EPHA6: variants seen among roughly 807,000 people sequenced by gnomAD.
The protein encoded by EPHA6 is EPH receptor A6.
A neutral mutation model predicts 112.0 loss-of-function variants in EPHA6; 50 were observed. The observed-to-expected ratio is 0.45, with a 90% confidence interval of 0.36 to 0.56. The LOEUF (loss-of-function observed/expected upper bound fraction) is 0.56, where lower values mean the gene tolerates loss of function less well. Among genes scored for constraint, EPHA6 ranks in the 20% least tolerant of loss-of-function variants. EPHA6 has a pLI of 0.00. For missense variants in EPHA6, 1,280 were observed against 1,417.4 expected (o/e 0.90, Z 1.56); for synonymous variants, 529 against 490.7 (o/e 1.08, Z -1.03).
intron 5 of EPHA6, among the ~76,000 whole-genome samples, chr3:97,267,372 A>G (rs2079721789): frequency 6.6e-6 from 1 of 152,072 alleles, no homozygotes; most frequent in Non-Finnish European, 1.5e-5. Context: ...CCAATTTAAT[A>G]TCTGCTTTCA....
At chr3:97,565,515 G>A (rs907038860) in intron 11 of EPHA6, among the ~76,000 whole-genome samples, 2 of 151,888 alleles carry the variant, frequency 1.3e-5, no homozygotes, top group African/African-American at 4.8e-5. Flanking sequence ...ATAAAATATT[G>A]GAATTCACAA....
At chr3:97,077,843 G>C (rs920048667) in intron 3 of EPHA6, among the ~76,000 whole-genome samples, 1 of 152,122 alleles carries the variant, frequency 6.6e-6, no homozygotes. Flanking sequence ...CAATAGTGTT[G>C]TAATAAATAT....
In EPHA6 at chr3:97,624,591, T is replaced by G. The variant is rs561732749; in HGVS notation, c.2575-13282T>G. Among the ~76,000 whole-genome samples, 227 of 151,702 alleles carry G rather than the reference T, an allele frequency of 1.5e-3. 1 individual carries two copies. The highest frequency in any genetic ancestry group is 2.7e-3 in the Non-Finnish European group (185 of 67,658). ...ATGAATCAAAATGTCTCTCTCCTCTTCAATTTTTCAGGATGAAGTTTGAGG... is the reference window on the plus strand; with the variant it reads ...ATGAATCAAAATGTCTCTCTCCTCTGCAATTTTTCAGGATGAAGTTTGAGG... On this transcript the variant is annotated intron_variant, in intron 13 of 17. Coordinates refer to ENST00000389672, the MANE Select transcript of EPHA6 (RefSeq NM_001080448.3).
intron 12 of EPHA6, among the ~76,000 whole-genome samples, chr3:97,598,156 T>G (rs1281246486): frequency 6.6e-6 from 1 of 151,964 alleles, no homozygotes; most frequent in Non-Finnish European, 1.5e-5. Flanking sequence ...TATTTTTTAT[T>G]TATTTATTTT....
At chr3:97,402,297 T>C (rs1051669207) in intron 5 of EPHA6, among the ~76,000 whole-genome samples, 1 of 152,058 alleles carries the variant, frequency 6.6e-6, no homozygotes, top group Non-Finnish European at 1.5e-5. Flanking sequence ...TCTCTTTAGA[T>C]CTAATATTTG....
chr3:97,582,900 C>T (rs2093452292), intron 11 of EPHA6, among the ~76,000 whole-genome samples: 1 of 151,828 alleles, frequency 6.6e-6, no homozygotes, highest in Non-Finnish European at 1.5e-5. Flanking sequence ...AAACTAAATC[C>T]AGAACATTCT....
intron 3 of EPHA6, among the ~76,000 whole-genome samples, chr3:97,150,895 A>G (rs180973949): frequency 4.4e-4 from 67 of 152,076 alleles, no homozygotes; most frequent in Non-Finnish European, 4.0e-4. Context: ...ATGACTACCA[A>G]TTTTTTATTG....
At chr3:97,298,186 A>G (rs2080945379) in intron 5 of EPHA6, among the ~76,000 whole-genome samples, 1 of 152,362 alleles carries the variant, frequency 6.6e-6, no homozygotes, top group East Asian at 1.9e-4. Context: ...ATGTTGTACC[A>G]AAACATGATA....
At chr3:97,681,433 A>G (rs894423631) in intron 14 of EPHA6, among the ~76,000 whole-genome samples, 9 of 152,120 alleles carry the variant, frequency 5.9e-5, no homozygotes, top group African/African-American at 2.2e-4. Context: ...ATTATTTATG[A>G]TAGAGAAAAA....
At chr3:97,237,320 A>G (rs572361691) in intron 4 of EPHA6, among the ~76,000 whole-genome samples, 210 of 152,162 alleles carry the variant, frequency 1.4e-3, no homozygotes, top group Non-Finnish European at 2.2e-3. Context: ...ATAGACACCT[A>G]TATGTAATGA....
intron 11 of EPHA6, among the ~76,000 whole-genome samples, chr3:97,567,005 G>T (rs2093275882): frequency 6.6e-6 from 1 of 152,154 alleles, no homozygotes; most frequent in African/African-American, 2.4e-5. Flanking sequence ...ACTGACAGAA[G>T]GGAAAAGGTG....
At chr3:96,990,371 CT>C (rs1260958047) in intron 3 of EPHA6, among the ~76,000 whole-genome samples, 1 of 151,936 alleles carries the variant, frequency 6.6e-6, no homozygotes, top group Non-Finnish European at 1.5e-5. Flanking sequence ...GGCTTGTTAT[CT>C]TTATTATCCT....
intron 1 of EPHA6, among the ~76,000 whole-genome samples, chr3:96,819,657 C>G (rs1367323936): frequency 6.6e-6 from 1 of 152,084 alleles, no homozygotes; most frequent in African/African-American, 2.4e-5. Flanking sequence ...TTGACTTTGT[C>G]CAACATACAT....
rs186560203 is a variant in EPHA6, at chr3:97,532,150, T to C, written c.2201-208T>C. 2.6e-3 allele frequency among the ~76,000 whole-genome samples: 397 copies of C among 152,236 alleles called. 4 individuals carry two copies. The highest frequency in any genetic ancestry group is 9.2e-3 in the African/African-American group (383 of 41,574). ...ATAGTATTTCCTGTGATATAGCACA[T>C]GAAAATGCATTCCATTATTCATTAG... On this transcript the variant is annotated intron_variant, in intron 10 of 17. Coordinates refer to ENST00000389672, the MANE Select transcript of EPHA6 (RefSeq NM_001080448.3).
intron 10 of EPHA6, among the ~76,000 whole-genome samples, chr3:97,508,029 T>C (rs75753489): frequency 2.0e-5 from 3 of 152,102 alleles, no homozygotes; most frequent in Admixed American, 1.3e-4. Context: ...TTTTTGGGTG[T>C]GTCTATTTGA....
At chr3:97,082,602 C>A (rs9853480) in intron 3 of EPHA6, among the ~76,000 whole-genome samples, 9,359 of 151,812 alleles carry the variant, frequency 0.062, 317 homozygotes, top group Middle Eastern at 0.13. Flanking sequence ...TTAATCAATT[C>A]GAGGGCAGTT....
At chr3:97,637,058 A>T (rs1197356840) in intron 13 of EPHA6, among the ~76,000 whole-genome samples, 1 of 152,114 alleles carries the variant, frequency 6.6e-6, no homozygotes, top group East Asian at 1.9e-4. Flanking sequence ...GTTGGTGCAT[A>T]CATTTTGCTC....
At chr3:97,434,557 C>CA (rs922744543) in intron 6 of EPHA6, among the ~76,000 whole-genome samples, 1 of 151,668 alleles carries the variant, frequency 6.6e-6, no homozygotes, top group East Asian at 1.9e-4. Flanking sequence ...AATCTAGTGA[C>CA]AAAAAAATAG....
intron 3 of EPHA6, among the ~76,000 whole-genome samples, chr3:97,055,636 A>G (rs557475411): frequency 4.6e-5 from 7 of 152,282 alleles, no homozygotes; most frequent in East Asian, 1.9e-4. Context: ...TTGAGGAACA[A>G]CTGTCCTCCA....
Sources: allele counts gnomAD v4.1 joint callset (sites outside exome capture counted in the v4.1 genomes callset), GRCh38; gene constraint gnomAD v4.1.1; transcripts MANE v1.5; gene names NCBI Gene and HGNC (gene_info 2026-07-23, HGNC 2026-07-21).